MED27: variants seen among roughly 807,000 people sequenced by gnomAD.
MED27 encodes the protein mediator complex subunit 27, also known as mediator of RNA polymerase II transcription subunit 27.
In MED27, 30 loss-of-function variants were observed where a neutral mutation model predicts 38.2. The ratio of observed to expected loss-of-function variants is 0.79; its 90% CI spans 0.59 to 1.07. MED27 has a LOEUF of 1.07. MED27 is among the 50% of genes least tolerant of loss of function. MED27 has a pLI of 0.00. For synonymous variants in MED27, 122 were observed against 153.5 expected (o/e 0.79, Z 1.52); for missense variants, 289 against 397.5 (o/e 0.73, Z 2.32).
intron 1 of MED27, among the ~76,000 whole-genome samples, chr9:132,079,217 G>A (rs1018424375): frequency 6.6e-5 from 10 of 152,270 alleles, no homozygotes; most frequent in African/African-American, 2.2e-4. Context: ...CCGGGGAATT[G>A]GGGCTAATCA....
chr9:131,965,564 G>A (rs977590185), intron 3 of MED27, among the ~76,000 whole-genome samples: 2 of 152,186 alleles, frequency 1.3e-5, no homozygotes, highest in Non-Finnish European at 2.9e-5. Context: ...ACCACAAGGA[G>A]AGGCAGTGAT....
intron 3 of MED27, among the ~76,000 whole-genome samples, chr9:131,962,281 G>A (rs1831232516): frequency 6.6e-6 from 1 of 152,226 alleles, no homozygotes; most frequent in Non-Finnish European, 1.5e-5. Flanking sequence ...CTGTCACCCA[G>A]GCTGGACTGC....
At position 131,862,391 on chromosome 9, in the gene MED27, C is replaced by A. The variant is rs902410896; in HGVS notation, c.801+672G>T. Among the ~76,000 whole-genome samples the A allele has an allele frequency of 6.6e-6, 1 of 152,194 alleles. No homozygotes were observed. Among genetic ancestry groups the A allele is most frequent in the African/African-American group, 2.4e-5 (1 of 41,440 alleles). On this transcript the variant is annotated intron_variant, in intron 7 of 7. Transcript: ENST00000292035. This position sits in a 1 kb window ranked among gnomAD's most constrained non-coding sequence, Gnocchi z 4.6. ...GAGAGCATGACGGTGGAACAGCTGG[C>A]GGCTACGTCTGTCAAGGACGCGGGG...
At chr9:131,921,917 G>A (rs567410599) in intron 4 of MED27, among the ~76,000 whole-genome samples, 6 of 151,076 alleles carry the variant, frequency 4.0e-5, no homozygotes, top group African/African-American at 7.3e-5. Flanking sequence ...GCAAACTATC[G>A]CAAGGACAGA....
At chr9:132,012,864 G>C (rs1832514076) in intron 3 of MED27, among the ~76,000 whole-genome samples, 1 of 152,034 alleles carries the variant, frequency 6.6e-6, no homozygotes, top group Non-Finnish European at 1.5e-5. Flanking sequence ...ATATCCTTGG[G>C]GCCTAGAAAC....
chr9:132,077,521 C>T lies in MED27; in HGVS notation c.269G>A (p.Gly90Glu). The change falls in exon 2 of 8, where the codon GGG becomes GAG. Residue 90 changes from glycine (G) to glutamate (E), a missense_variant. Gly to Glu is a moderately conservative substitution (Grantham distance 98). Transcript: ENST00000292035. Reference sequence around the variant, plus strand: ...CTGCACAGGATCCAGGCTTAACAGCCCACTGTTATGAAGAGGATGGTTCTC... The same window carrying T: ...CTGCACAGGATCCAGGCTTAACAGCTCACTGTTATGAAGAGGATGGTTCTC... ...PSENHPLHNS[G>E]LLSLDPVQDK... is the part of the protein sequence containing the mutation. 3 of 1,613,524 alleles carry T rather than the reference C, an allele frequency of 1.9e-6. No homozygotes were observed. Among genetic ancestry groups the T allele is most frequent in the Non-Finnish European group, 2.5e-6 (3 of 1,179,536 alleles).
rs751491475 is a variant in MED27 at position 132,014,378 on chromosome 9, A to C, written c.438T>G (p.Arg146=). 3.1e-6 allele frequency: 5 copies of C among 1,613,138 alleles called. No homozygotes were observed. Among genetic ancestry groups the C allele is most frequent in the Middle Eastern group, 1.9e-4 (1 of 5,326 alleles). The change falls in exon 3 of 8, where the codon CGT becomes CGG. Residue 146 remains arginine (R), a synonymous_variant. Transcript: ENST00000292035. The stretch of plus-strand genomic sequence containing the variant: ...GAGTTGTGGGCTGAGCCTTTGGTCT[A>C]CGTTTGGCAGATACTCCCATCTGAT... The part of the protein sequence containing the change: ...SANQMGVSAK[R]RPKAQPTTLV...
At chr9:131,920,759 T>TA (rs1367929539) in intron 4 of MED27, among the ~76,000 whole-genome samples, 2 of 151,726 alleles carry the variant, frequency 1.3e-5, no homozygotes, top group Admixed American at 1.3e-4. Context: ...CCAAAGGCCT[T>TA]AAGGCAGCGC....
intron 4 of MED27, among the ~76,000 whole-genome samples, chr9:131,925,597 C>A (rs1830469190): frequency 6.6e-6 from 1 of 152,178 alleles, no homozygotes; most frequent in East Asian, 1.9e-4. Flanking sequence ...GTAAAAAACA[C>A]AAAATGTTCA....
At chr9:132,022,186 C>T (rs928150717) in intron 2 of MED27, among the ~76,000 whole-genome samples, 2 of 152,120 alleles carry the variant, frequency 1.3e-5, no homozygotes, top group Admixed American at 6.6e-5. Flanking sequence ...TCTTGTTTGC[C>T]TATGTTTCTA....
chr9:131,898,906 A>C (rs894322400), intron 4 of MED27, among the ~76,000 whole-genome samples: 3 of 152,172 alleles, frequency 2.0e-5, no homozygotes, highest in African/African-American at 7.2e-5. Flanking sequence ...CATGGTAATA[A>C]TATACCCAGT....
intron 2 of MED27, among the ~76,000 whole-genome samples, chr9:132,055,535 G>A (rs150318222): frequency 7.0e-4 from 107 of 152,284 alleles, no homozygotes; most frequent in African/African-American, 2.5e-3. Context: ...CAGCAAAGAC[G>A]ATTAGATCAA....
intron 3 of MED27, among the ~76,000 whole-genome samples, chr9:131,972,549 G>A (rs946987476): frequency 2.6e-5 from 4 of 152,112 alleles, no homozygotes; most frequent in African/African-American, 7.2e-5. Flanking sequence ...ATACATTCAC[G>A]TTTAGTAAAT....
chr9:131,970,470 C>T (rs956394061), intron 3 of MED27, among the ~76,000 whole-genome samples: 12 of 152,238 alleles, frequency 7.9e-5, no homozygotes, highest in Non-Finnish European at 7.3e-5. Flanking sequence ...AGAAACACTA[C>T]ACCCAGTACT....
chr9:131,991,481 C>A (rs975116245), intron 3 of MED27, among the ~76,000 whole-genome samples: 1 of 152,202 alleles, frequency 6.6e-6, no homozygotes, highest in Non-Finnish European at 1.5e-5. Flanking sequence ...ATCACTGTAA[C>A]AGGCAAATCT....
chr9:132,049,091 G>C (rs4962221), intron 2 of MED27, among the ~76,000 whole-genome samples: 148,273 of 152,294 alleles, frequency 0.97, 72,209 homozygotes, highest in East Asian at 1. Context: ...AACAACCTTG[G>C]ACAAGACGAA....
At chr9:131,878,374 G>C (rs1838975361) in intron 6 of MED27, among the ~76,000 whole-genome samples, 1 of 152,152 alleles carries the variant, frequency 6.6e-6, no homozygotes, top group Non-Finnish European at 1.5e-5. Context: ...ACCCTGCCCA[G>C]AACATGACCC....
At chr9:131,906,392 A>G (rs539670863) in intron 4 of MED27, among the ~76,000 whole-genome samples, 1 of 152,380 alleles carries the variant, frequency 6.6e-6, no homozygotes, top group East Asian at 1.9e-4. Flanking sequence ...GTGCCGGAGC[A>G]GAGCAGCACA....
At chr9:131,875,578 C>T (rs1838916778) in intron 6 of MED27, among the ~76,000 whole-genome samples, 1 of 152,220 alleles carries the variant, frequency 6.6e-6, no homozygotes, top group African/African-American at 2.4e-5. Context: ...TCACCATTGA[C>T]AGGCACTTCA....
Sources: allele counts gnomAD v4.1 joint callset (sites outside exome capture counted in the v4.1 genomes callset), GRCh38; gene constraint gnomAD v4.1.1; non-coding constraint Gnocchi (gnomAD v3.1); transcripts MANE v1.5; gene names NCBI Gene and HGNC (gene_info 2026-07-23, HGNC 2026-07-21).